DACH1: variants seen among roughly 807,000 people sequenced by gnomAD.
DACH1 encodes the protein dachshund family transcription factor 1.
DACH1 carries 12 observed loss-of-function variants against 54.2 expected under a neutral mutation model. That is an observed-to-expected ratio of 0.22 (90% CI 0.14 to 0.36). DACH1 has a LOEUF of 0.36. DACH1 is among the 10% of genes least tolerant of loss of function. The pLI is 1.00. For missense variants in DACH1, 805 were observed against 929.8 expected, an observed-to-expected ratio of 0.87 and a Z score of 1.75; for synonymous variants, 386 against 366.2, an observed-to-expected ratio of 1.05 and a Z score of -0.62.
intron 3 of DACH1, among the ~76,000 whole-genome samples, chr13:71,605,344 T>C (rs1325613602): frequency 6.6e-6 from 1 of 151,852 alleles, no homozygotes. Flanking sequence ...TATGATATTA[T>C]ATTTGAAAGA....
chr13:71,678,772 C>T (rs1314442912), intron 2 of DACH1, among the ~76,000 whole-genome samples: 1 of 152,130 alleles, frequency 6.6e-6, no homozygotes, highest in African/African-American at 2.4e-5. Context: ...ATCCTCCTGC[C>T]TCAACCACCC....
intron 1 of DACH1, among the ~76,000 whole-genome samples, chr13:71,833,756 G>A (rs1361172945): frequency 6.6e-6 from 1 of 151,956 alleles, no homozygotes; most frequent in African/African-American, 2.4e-5. Flanking sequence ...GCCTAGGATG[G>A]CTTTGTGAAG....
At chr13:71,573,384 C>T in intron 3 of DACH1, 2 of 711,280 alleles carry the variant, frequency 2.8e-6, no homozygotes, top group South Asian at 3.0e-5. Flanking sequence ...TTAAAAAAAA[C>T]TATGATTTTT....
Position 71,866,915 on chromosome 13 carries a change from G to C in DACH1, c.-146C>G. The C allele has an allele frequency of 5.3e-6, 3 of 564,324 alleles. No individual in the cohort carries two copies. Among genetic ancestry groups the C allele is most frequent in the Non-Finnish European group, 7.7e-6 (3 of 387,644 alleles). The allele number at this position is 564,324 out of a possible 1,614,324, so 35.0% of individuals were successfully genotyped here. A position where few individuals can be genotyped will look rare whatever the true frequency, so the allele number is the denominator to read the frequency against. On this transcript the variant is annotated 5_prime_UTR_variant, in exon 1 of 11. Coordinates refer to ENST00000613252, the MANE Select transcript of DACH1 (RefSeq NM_080759.6). ...AGAGAACGAGAAGGAGAAAGGGAGA[G>C]AAGGGGGAGAAAAGGAGGTGAAGGT...
At chr13:71,464,520 G>C (rs1876380195) in intron 10 of DACH1, 1 of 387,112 alleles carries the variant, frequency 2.6e-6, no homozygotes, top group South Asian at 1.9e-5. Context: ...TATTTCATTA[G>C]CTCTTAAATA....
chr13:71,807,615 C>T (rs1446010366), intron 1 of DACH1, among the ~76,000 whole-genome samples: 1 of 152,016 alleles, frequency 6.6e-6, no homozygotes, highest in Non-Finnish European at 1.5e-5. Flanking sequence ...GCTATTATGC[C>T]TTTGCTGAGA....
intron 3 of DACH1, among the ~76,000 whole-genome samples, chr13:71,592,436 A>C (rs1593950658): frequency 7.1e-6 from 1 of 141,582 alleles, no homozygotes; most frequent in East Asian, 2.2e-4. Flanking sequence ...TCGAGGTTGC[A>C]TTGAGTCATA....
At chr13:71,815,688 A>C (rs1887887914) in intron 1 of DACH1, among the ~76,000 whole-genome samples, 1 of 152,240 alleles carries the variant, frequency 6.6e-6, no homozygotes. Context: ...TGATATAAGC[A>C]AAATTTCACG....
chr13:71,652,053 C>A lies in DACH1; in HGVS notation c.965-21336G>T, dbSNP rs1033324034. Among the ~76,000 whole-genome samples, 5 of 152,094 alleles carry A rather than the reference C, an allele frequency of 3.3e-5. 1 individual carries two copies. The highest frequency in any genetic ancestry group is 7.4e-5 in the Non-Finnish European group (5 of 68,004). On this transcript the variant is annotated intron_variant, in intron 2 of 10. Coordinates refer to ENST00000613252, the MANE Select transcript of DACH1 (RefSeq NM_080759.6). Reference sequence around the variant, plus strand: ...AACTACTTAATTGGCATTTGTCATGCTAGATCGTATTCCTATTTGTTTCAT... The same window carrying A: ...AACTACTTAATTGGCATTTGTCATGATAGATCGTATTCCTATTTGTTTCAT...
intron 1 of DACH1, among the ~76,000 whole-genome samples, chr13:71,809,883 G>A (rs1349168282): frequency 1.3e-5 from 2 of 152,146 alleles, no homozygotes; most frequent in East Asian, 3.9e-4. Flanking sequence ...CTTTTTGAGT[G>A]TTAATTCCCG....
intron 3 of DACH1, among the ~76,000 whole-genome samples, chr13:71,611,714 T>C (rs1399635614): frequency 6.6e-6 from 1 of 152,214 alleles, no homozygotes; most frequent in Non-Finnish European, 1.5e-5. Flanking sequence ...TACATGCTTT[T>C]TTCGTAGTCA....
At chr13:71,671,681 C>CA (rs1338082010) in intron 2 of DACH1, among the ~76,000 whole-genome samples, 1 of 151,796 alleles carries the variant, frequency 6.6e-6, no homozygotes, top group African/African-American at 2.4e-5. Flanking sequence ...AATAAGTTTT[C>CA]AAAAAAATCG....
chr13:71,667,055 T>C (rs1879888146), intron 2 of DACH1, among the ~76,000 whole-genome samples: 1 of 152,056 alleles, frequency 6.6e-6, no homozygotes, highest in South Asian at 2.1e-4. Flanking sequence ...GTTTTTTTCA[T>C]ATAGAATAGG....
At chr13:71,583,253 G>T (rs1279152456) in intron 3 of DACH1, among the ~76,000 whole-genome samples, 1 of 152,042 alleles carries the variant, frequency 6.6e-6, no homozygotes, top group African/African-American at 2.4e-5. Flanking sequence ...TTTAAGTTTA[G>T]AAAAGACAAC....
intron 6 of DACH1, among the ~76,000 whole-genome samples, chr13:71,552,842 TAGAG>T (rs1167871695): frequency 0.021 from 257 of 12,410 alleles, 10 homozygotes; most frequent in African/African-American, 0.024. Context: ...TATATATATA[TAGAG>T]AGAGAGAGAG....
intron 1 of DACH1, among the ~76,000 whole-genome samples, chr13:71,711,875 CTT>C (rs1430325716): frequency 6.6e-6 from 1 of 152,084 alleles, no homozygotes; most frequent in African/African-American, 2.4e-5. Context: ...CTTCCCTTTT[CTT>C]TTATTACACT....
At chr13:71,643,435 C>A (rs1878046157) in intron 2 of DACH1, among the ~76,000 whole-genome samples, 1 of 152,160 alleles carries the variant, frequency 6.6e-6, no homozygotes, top group African/African-American at 2.4e-5. Flanking sequence ...AAAGACAACA[C>A]ACTTAAGCGG....
intron 1 of DACH1, among the ~76,000 whole-genome samples, chr13:71,838,011 G>C (rs1314935988): frequency 9.0e-5 from 5 of 55,540 alleles, no homozygotes; most frequent in Non-Finnish European, 1.0e-4. Flanking sequence ...TGGTGGGGAG[G>C]GGGGAGGGGG....
At chr13:71,691,814 G>T (rs1478535115) in intron 1 of DACH1, among the ~76,000 whole-genome samples, 2 of 152,094 alleles carry the variant, frequency 1.3e-5, no homozygotes, top group Non-Finnish European at 2.9e-5. Context: ...GGTCTATTTT[G>T]GGAAATACAT....
Sources: gnomAD v4.1 joint callset for allele counts (sites outside exome capture counted in the v4.1 genomes callset) on GRCh38, gnomAD v4.1.1 for gene constraint, MANE v1.5 for transcripts, NCBI Gene and HGNC (gene_info 2026-07-23, HGNC 2026-07-21) for gene names.